Variants in GIPC2 observed in about 807,000 individuals in gnomAD.
GIPC2 encodes PDZ domain-containing protein GIPC2.
Under a neutral mutation model 30.6 loss-of-function variants are expected in GIPC2, and 30 were observed. That is an observed-to-expected ratio of 0.98 (90% confidence interval 0.73 to 1.33). The LOEUF (loss-of-function observed/expected upper bound fraction) is 1.33. GIPC2 is among the 40% of genes most tolerant of loss of function. The pLI, the probability that GIPC2 is intolerant of heterozygous loss-of-function variation, is 0.00. For synonymous variants in GIPC2, 167 were observed against 150.0 expected (o/e 1.11, Z -0.83); for missense variants, 414 against 390.3 (o/e 1.06, Z -0.51).
chr1:78,053,745 T>TAAA (rs11384461), intron 1 of GIPC2, among the ~76,000 whole-genome samples: 1 of 88,612 alleles, frequency 1.1e-5, no homozygotes. Flanking sequence ...CCCTGCCTCT[T>TAAA]AAAAAAAAAA....
chr1:78,111,106 T>A (rs1297068434), intron 3 of GIPC2, among the ~76,000 whole-genome samples: 1 of 152,170 alleles, frequency 6.6e-6, no homozygotes, highest in Admixed American at 6.5e-5. Context: ...GTACAGAAAC[T>A]GTTGGTTGAA....
chr1:78,076,161 A>G (rs548293682), intron 1 of GIPC2, among the ~76,000 whole-genome samples: 1 of 152,342 alleles, frequency 6.6e-6, no homozygotes, highest in South Asian at 2.1e-4. Flanking sequence ...TTTAAACCTG[A>G]GGATGTGGTC....
chr1:78,099,690 G>A (rs922081782), intron 3 of GIPC2, among the ~76,000 whole-genome samples: 5 of 151,822 alleles, frequency 3.3e-5, no homozygotes, highest in South Asian at 2.1e-4. Flanking sequence ...TGCCCACCTC[G>A]GCCTCCCAAA....
intron 2 of GIPC2, among the ~76,000 whole-genome samples, chr1:78,090,680 T>C (rs1409760356): frequency 6.6e-6 from 1 of 152,226 alleles, no homozygotes; most frequent in African/African-American, 2.4e-5. Flanking sequence ...ACTTTTGCTT[T>C]AGTAGAACCA....
chr1:78,103,420 G>T (rs1662286425), intron 3 of GIPC2, among the ~76,000 whole-genome samples: 1 of 152,180 alleles, frequency 6.6e-6, no homozygotes, highest in Admixed American at 6.5e-5. Flanking sequence ...AGGATGAAAT[G>T]AGTTAATGTA....
rs926394341 is a variant in GIPC2, at chr1:78,056,301, C to T, written c.240+9967C>T. 2.0e-5 allele frequency among the ~76,000 whole-genome samples: 3 copies of T among 152,174 alleles called. 1 individual carries two copies. Among genetic ancestry groups the T allele is most frequent in the Admixed American group, 2.0e-4 (3 of 15,284 alleles). The stretch of plus-strand genomic sequence containing the variant: ...TGACCACCTGGGCAACATGGTGAAA[C>T]CCCGTCTCCACAAAAAATACAAACA... On this transcript the variant is annotated intron_variant, in intron 1 of 5. Coordinates refer to ENST00000370759, the MANE Select transcript of GIPC2 (RefSeq NM_017655.6).
chr1:78,072,787 A>G (rs1223717095), intron 1 of GIPC2, among the ~76,000 whole-genome samples: 4 of 151,878 alleles, frequency 2.6e-5, no homozygotes, highest in African/African-American at 7.3e-5. Context: ...ACTCCTGAGG[A>G]AAGTATGGTT....
At chr1:78,053,634 T>C (rs1661235778) in intron 1 of GIPC2, among the ~76,000 whole-genome samples, 1 of 151,676 alleles carries the variant, frequency 6.6e-6, no homozygotes, top group South Asian at 2.1e-4. Flanking sequence ...ATTTTAATGC[T>C]GTGATCATAC....
intron 1 of GIPC2, among the ~76,000 whole-genome samples, chr1:78,059,107 G>C (rs187313804): frequency 6.6e-6 from 1 of 152,302 alleles, no homozygotes; most frequent in Non-Finnish European, 1.5e-5. Flanking sequence ...TCACCTTGGT[G>C]ACCTTTTTAA....
chr1:78,074,738 A>T (rs2100333508), intron 1 of GIPC2, among the ~76,000 whole-genome samples: 1 of 152,308 alleles, frequency 6.6e-6, no homozygotes, highest in South Asian at 2.1e-4. Flanking sequence ...GAATGAGACT[A>T]TTCCAGTCTA....
Position 78,080,794 on chromosome 1 carries a change from G to T in GIPC2, c.360G>T (p.Val120=), listed in dbSNP as rs780070578. 8 of 1,609,346 alleles carry T rather than the reference G, an allele frequency of 5.0e-6. No homozygotes were observed. Among genetic ancestry groups the T allele is most frequent in the African/African-American group, 1.3e-5 (1 of 74,800 alleles). The change falls in exon 2 of 6, where the codon GTG becomes GTT. Residue 120 remains valine (V), a synonymous_variant. Coordinates refer to ENST00000370759, the MANE Select transcript of GIPC2 (RefSeq NM_017655.6). The part of the protein sequence containing the change: ...HVKGIEKEVN[V]YKSEDSLGLT... Reference sequence around the variant, plus strand: ...AAGGAATCGAAAAAGAAGTGAATGTGTATAAATCTGAGGATTCACTTGGTC... The same window carrying T: ...AAGGAATCGAAAAAGAAGTGAATGTTTATAAATCTGAGGATTCACTTGGTC...
intron 5 of GIPC2, among the ~76,000 whole-genome samples, chr1:78,129,923 G>T (rs1210665812): frequency 6.6e-6 from 1 of 151,922 alleles, no homozygotes; most frequent in African/African-American, 2.4e-5. Flanking sequence ...GTGGAAAGAA[G>T]ATTTGAATGA....
At chr1:78,086,993 T>G (rs1354737493) in intron 2 of GIPC2, among the ~76,000 whole-genome samples, 5 of 152,206 alleles carry the variant, frequency 3.3e-5, no homozygotes, top group Non-Finnish European at 7.4e-5. Context: ...ATTAGCTGGT[T>G]ATTATGTTGG....
At chr1:78,054,212 G>A (rs1453023959) in intron 1 of GIPC2, among the ~76,000 whole-genome samples, 1 of 152,130 alleles carries the variant, frequency 6.6e-6, no homozygotes, top group African/African-American at 2.4e-5. Context: ...ACCTGCTATT[G>A]CATGATTTTT....
intron 3 of GIPC2, among the ~76,000 whole-genome samples, chr1:78,111,679 A>C (rs1010359927): frequency 3.3e-5 from 5 of 152,220 alleles, no homozygotes; most frequent in African/African-American, 1.2e-4. Flanking sequence ...GCAGAAGCAA[A>C]TTATAAACTC....
chr1:78,106,813 T>C (rs769476200), intron 3 of GIPC2, among the ~76,000 whole-genome samples: 1 of 152,076 alleles, frequency 6.6e-6, no homozygotes, highest in Non-Finnish European at 1.5e-5. Flanking sequence ...CCCAAGTAGC[T>C]GGGATTACAG....
At chr1:78,128,363 A>G (rs1662822363) in intron 5 of GIPC2, among the ~76,000 whole-genome samples, 1 of 152,210 alleles carries the variant, frequency 6.6e-6, no homozygotes, top group African/African-American at 2.4e-5. Context: ...TGCAGATCTC[A>G]AGGAACAATA....
chr1:78,134,864 G>A (rs1662971166), intron 5 of GIPC2, among the ~76,000 whole-genome samples: 1 of 152,120 alleles, frequency 6.6e-6, no homozygotes, highest in Admixed American at 6.6e-5. Context: ...GGTGCTTCTA[G>A]GGTGCTGAGT....
intron 1 of GIPC2, among the ~76,000 whole-genome samples, chr1:78,070,853 T>C (rs74998911): frequency 0.051 from 7,774 of 152,238 alleles, 280 homozygotes; most frequent in African/African-American, 0.1. Flanking sequence ...GTAGTTCTAC[T>C]GGAGAAGAGC....
Sources: gnomAD v4.1 joint callset for allele counts (sites outside exome capture counted in the v4.1 genomes callset) on GRCh38, gnomAD v4.1.1 for gene constraint, MANE v1.5 for transcripts, NCBI Gene and HGNC (gene_info 2026-07-23, HGNC 2026-07-21) for gene names.